The following SLC35F5 variants were observed in gnomAD, a reference collection of about 807,000 sequenced individuals.
SLC35F5 encodes the protein HCV NS5A-transactivated protein 3.
A neutral mutation model predicts 68.6 loss-of-function variants in SLC35F5; 54 were observed. The observed-to-expected ratio is 0.79, with a 90% CI of 0.63 to 0.99. The LOEUF is 0.99. Among genes scored for constraint, SLC35F5 ranks in the 50% least tolerant of loss-of-function variants. SLC35F5 has a pLI of 0.00. For synonymous variants in SLC35F5, 211 were observed against 205.2 expected, an observed-to-expected ratio of 1.03 and a Z score of -0.24; for missense variants, 567 against 626.9, an observed-to-expected ratio of 0.90 and a Z score of 1.02.
At chr2:113,747,227 C>A (rs918481050) in intron 4 of SLC35F5, among the ~76,000 whole-genome samples, 1 of 150,572 alleles carries the variant, frequency 6.6e-6, no homozygotes, top group African/African-American at 2.5e-5. Flanking sequence ...GTGGAGGTTG[C>A]AGTGAGCCGA....
At chr2:113,718,499 G>A (rs1306870415) in intron 14 of SLC35F5, among the ~76,000 whole-genome samples, 3 of 152,082 alleles carry the variant, frequency 2.0e-5, no homozygotes, top group Admixed American at 6.5e-5. Flanking sequence ...GTTTGTTATG[G>A]CAAAACAGTA....
rs757692168 is a variant in SLC35F5 at position 113,707,193 on chromosome 2, C to T, written c.*8025G>A. 1.2e-3 allele frequency among the ~76,000 whole-genome samples: 187 copies of T among 152,240 alleles called. No individual in the cohort carries two copies. The highest frequency in any genetic ancestry group is 3.4e-3 in the Middle Eastern group (1 of 294). The stretch of plus-strand genomic sequence containing the variant: ...TTTCCATAACTCATTATAAATATTT[C>T]ATCTTCCGAAAGTACTCTTTGATTA... On this transcript the variant is annotated 3_prime_UTR_variant, in exon 16 of 16. Coordinates refer to ENST00000245680, the MANE Select transcript of SLC35F5 (RefSeq NM_025181.5).
At chr2:113,755,014 A>G in intron 3 of SLC35F5, 151 bp downstream of exon 3, 2 of 658,794 alleles carry the variant, frequency 3.0e-6, no homozygotes, top group Admixed American at 6.6e-5. Context: ...TTTAACTTCA[A>G]GTGGCAATAA....
chr2:113,743,049 G>C, intron 6 of SLC35F5, among the ~76,000 whole-genome samples, 170 bp from the exon 7 acceptor site: 1 of 152,142 alleles, frequency 6.6e-6, no homozygotes, highest in East Asian at 1.9e-4. Flanking sequence ...TCACTTAAAA[G>C]AGTTAAAAGG....
Position 113,725,385 on chromosome 2 carries a change from AC to A in SLC35F5, c.1242del (p.Trp415GlyfsTer11). The part of the protein sequence containing the change: ...GLIGTVLSEF[L>X]WLWGCFLTSS... ...AGAATAAACAGTACATACCACAACC[AC>A]AGGAACTCTGAGAGTACTGTTCCAA... On this transcript the variant is annotated frameshift_variant, in exon 12 of 16. Coordinates refer to ENST00000245680, the MANE Select transcript of SLC35F5 (RefSeq NM_025181.5). LOFTEE classifies it high-confidence loss of function. The A allele has an allele frequency of 6.2e-7, 1 of 1,600,880 alleles. No individual in the cohort carries two copies. The highest frequency in any genetic ancestry group is 8.5e-7 in the Non-Finnish European group (1 of 1,176,552).
In SLC35F5 at chr2:113,725,416, G is replaced by C; in HGVS notation, c.1212C>G (p.Gly404=). ...ACTCTGAGAGTACTGTTCCAATAAG[G>C]CCATTAATGATAATGCACATTAATA... The part of the protein sequence containing the change: ...KVVLMCIIIN[G]LIGTVLSEFL... Residue 404 remains glycine (G), a synonymous_variant, in exon 12 of 16, where the codon GGC becomes GGG. Transcript: ENST00000245680. The C allele has an allele frequency of 1.2e-6, 2 of 1,610,576 alleles. No individual in the cohort carries two copies. Among genetic ancestry groups the C allele is most frequent in the Non-Finnish European group, 1.7e-6 (2 of 1,178,578 alleles).
intron 3 of SLC35F5, among the ~76,000 whole-genome samples, chr2:113,750,928 TGA>T (rs1421781819): frequency 1.3e-5 from 2 of 152,332 alleles, no homozygotes; most frequent in East Asian, 3.9e-4. Flanking sequence ...GAAGATTGCT[TGA>T]GCCCAGAATT....
At chr2:113,730,295 G>A (rs545388642) in intron 10 of SLC35F5, among the ~76,000 whole-genome samples, 1 of 151,662 alleles carries the variant, frequency 6.6e-6, no homozygotes, top group African/African-American at 2.4e-5. Flanking sequence ...GCTAAATAAT[G>A]TTCTGCCAAG....
intron 10 of SLC35F5, 86 bp downstream of exon 10, chr2:113,731,498 C>T: frequency 2.0e-6 from 2 of 992,584 alleles, no homozygotes; most frequent in Non-Finnish European, 3.1e-6. Flanking sequence ...AGTGCCTACC[C>T]TTTGTGCGTT....
chr2:113,715,362 A>G (rs1287855067), intron 15 of SLC35F5, among the ~76,000 whole-genome samples, 167 bp from the exon 16 acceptor site: 1 of 152,238 alleles, frequency 6.6e-6, no homozygotes, highest in African/African-American at 2.4e-5. Context: ...GAACTTATGA[A>G]TGTGACTTCT....
intron 12 of SLC35F5, among the ~76,000 whole-genome samples, chr2:113,724,313 G>T (rs115942634): frequency 0.011 from 1,603 of 152,210 alleles, 35 homozygotes; most frequent in African/African-American, 0.037. Flanking sequence ...ATCCAATTTA[G>T]CTAAAGGCTA....
At chr2:113,724,704 T>C (rs1687589875) in intron 12 of SLC35F5, among the ~76,000 whole-genome samples, 1 of 152,176 alleles carries the variant, frequency 6.6e-6, no homozygotes, top group Non-Finnish European at 1.5e-5. Flanking sequence ...TTATTCATTC[T>C]ATTCATTTCA....
chr2:113,752,000 T>G lies in SLC35F5; in HGVS notation c.274-1432A>C, dbSNP rs532317380. Among the ~76,000 whole-genome samples, 4 of 152,190 alleles carry G rather than the reference T, an allele frequency of 2.6e-5. No individual in the cohort carries two copies. In the South Asian group the frequency reaches 8.3e-4, roughly 32 times the overall value. The stretch of plus-strand genomic sequence containing the variant: ...GCCAAGGCGGGTGGATCACTTGAGG[T>G]CAGGAGTTCAAGACCAGCCTGGCCA... On this transcript the variant is annotated intron_variant, in intron 3 of 15. Transcript: ENST00000245680.
At chr2:113,753,158 G>GTTTTTTTTTTTTT (rs1264386762) in intron 3 of SLC35F5, among the ~76,000 whole-genome samples, 2 of 69,202 alleles carry the variant, frequency 2.9e-5, no homozygotes, top group Non-Finnish European at 6.5e-5. Flanking sequence ...TATCTCCAAA[G>GTTTTTTTTTTTTT]TTTGTTTTTC....
intron 9 of SLC35F5, among the ~76,000 whole-genome samples, chr2:113,734,169 C>G (rs770195970): frequency 6.6e-6 from 1 of 152,090 alleles, no homozygotes; most frequent in Non-Finnish European, 1.5e-5. Context: ...TCACCTGAGG[C>G]TTAGACAATT....
chr2:113,755,635 A>G (rs1371815604), intron 1 of SLC35F5, 91 bp from the exon 2 acceptor site: 4 of 1,284,294 alleles, frequency 3.1e-6, no homozygotes, highest in African/African-American at 2.9e-5. Context: ...CTTCAAACTC[A>G]AAGCAAATCA....
chr2:113,709,773 G>A lies in SLC35F5; in HGVS notation c.*5445C>T, dbSNP rs866463782. On this transcript the variant is annotated 3_prime_UTR_variant, in exon 16 of 16. Transcript: ENST00000245680. ...CACCATCCCCACCGCCAGACCTACT[G>A]AATCAGAAACTCTAGGGTGGCCCCC... is the stretch of plus-strand genomic sequence containing the variant. 6.6e-6 allele frequency among the ~76,000 whole-genome samples: 1 copy of A among 152,114 alleles called. No homozygotes were observed. Among genetic ancestry groups the A allele is most frequent in the East Asian group, 1.9e-4 (1 of 5,188 alleles).
In SLC35F5 at chr2:113,731,927, A is replaced by G. The variant is rs183708492; in HGVS notation, c.921-279T>C. On this transcript the variant is annotated intron_variant, in intron 9 of 15. Transcript: ENST00000245680. The stretch of plus-strand genomic sequence containing the variant: ...TTTTACATGTGAAAGCTAATACACA[A>G]AGAGGTAAGGTAACTTGACCAAGAT... Among the ~76,000 whole-genome samples the G allele has an allele frequency of 6.2e-3, 944 of 152,234 alleles. 16 individuals are homozygous for G. Among genetic ancestry groups the G allele is most frequent in the African/African-American group, 0.022 (897 of 41,544 alleles).
Position 113,714,178 on chromosome 2 carries a change from T to C in SLC35F5, c.*1040A>G, listed in dbSNP as rs1270451643. 4 of 152,178 alleles carry C rather than the reference T, an allele frequency of 2.6e-5. No homozygotes were observed. The highest frequency in any genetic ancestry group is 9.6e-5 in the African/African-American group (4 of 41,464). 9.4% of individuals were successfully genotyped at this position (152,178 alleles called of 1,614,324 possible). On this transcript the variant is annotated 3_prime_UTR_variant, in exon 16 of 16. Coordinates refer to ENST00000245680, the MANE Select transcript of SLC35F5 (RefSeq NM_025181.5). The stretch of plus-strand genomic sequence containing the variant: ...AATCTTAGTAGAGGAAAAGTTCTGA[T>C]GTGATTTTAAAAACAGAATCCCTTC...
Sources: gnomAD v4.1 joint callset for allele counts (sites outside exome capture counted in the v4.1 genomes callset) on GRCh38, gnomAD v4.1.1 for gene constraint, MANE v1.5 for transcripts, NCBI Gene and HGNC (gene_info 2026-07-23, HGNC 2026-07-21) for gene names.